The following MX1 variants were observed in gnomAD, a reference collection of about 807,000 sequenced individuals.
MX1 encodes MX dynamin like GTPase 1, also known as interferon-induced GTP-binding protein Mx1.
A neutral mutation model predicts 66.4 loss-of-function variants in MX1; 66 were observed. The ratio of observed to expected loss-of-function variants is 0.99; its 90% CI spans 0.82 to 1.22. The LOEUF is 1.22. MX1 is among the 50% of genes most tolerant of loss of function. The pLI, the probability that MX1 is intolerant of heterozygous loss-of-function variation, is 0.00. For synonymous variants in MX1, 311 were observed against 318.1 expected, an observed-to-expected ratio of 0.98 and a Z score of 0.24; for missense variants, 787 against 834.3, an observed-to-expected ratio of 0.94 and a Z score of 0.70.
At position 41,459,199 on chromosome 21, in the gene MX1, T is replaced by C. The variant is rs1169349115; in HGVS notation, c.*441T>C. ...CCTGTCTCCTCTCTCTGTAATAAACTCATTTCTAGCAGACACTGCTCTGCC... is the reference window on the plus strand; with the variant it reads ...CCTGTCTCCTCTCTCTGTAATAAACCCATTTCTAGCAGACACTGCTCTGCC... On this transcript the variant is annotated 3_prime_UTR_variant, in exon 17 of 17. Coordinates refer to ENST00000398598, the MANE Select transcript of MX1 (RefSeq NM_002462.5). 1.7e-5 allele frequency: 3 copies of C among 178,722 alleles called. No individual in the cohort carries two copies. The highest frequency in any genetic ancestry group is 7.1e-5 in the African/African-American group (3 of 42,232). 11.1% of individuals were successfully genotyped at this position (178,722 alleles called of 1,614,324 possible).
Position 41,458,781 on chromosome 21 carries a change from G to A in MX1, c.*23G>A. 3 of 1,602,542 alleles carry A rather than the reference G, an allele frequency of 1.9e-6. No homozygotes were observed. The highest frequency in any genetic ancestry group is 2.2e-5 in the South Asian group (2 of 90,672). On this transcript the variant is annotated 3_prime_UTR_variant, in exon 17 of 17. Coordinates refer to ENST00000398598, the MANE Select transcript of MX1 (RefSeq NM_002462.5). Reference sequence around the variant, plus strand: ...TAACCACACTCTGTCCAGCCCCGTAGACGTGCACGCACACTGTCTGCCCCC... The same window carrying A: ...TAACCACACTCTGTCCAGCCCCGTAAACGTGCACGCACACTGTCTGCCCCC...
At chr21:41,432,664 C>T (rs939035435) in intron 5 of MX1, among the ~76,000 whole-genome samples, 5 of 152,200 alleles carry the variant, frequency 3.3e-5, no homozygotes, top group Admixed American at 3.3e-4. Context: ...ACACTCTCAG[C>T]TGTGTGATTG....
chr21:41,437,208 T>C (rs2090389981), intron 7 of MX1, 56 bp downstream of exon 7: 1 of 1,597,078 alleles, frequency 6.3e-7, no homozygotes, highest in African/African-American at 1.3e-5. Flanking sequence ...ATGGGGTCTG[T>C]TTGTAACTGT....
chr21:41,422,870 A>G (rs1224937949), upstream of MX1: 1 of 152,180 alleles, frequency 6.6e-6, no homozygotes, highest in African/African-American at 2.4e-5. Context: ...CATGGAGAAC[A>G]TGGTGTGATA....
intron 5 of MX1, 29 bp from the exon 6 acceptor site, chr21:41,435,808 G>T: frequency 6.3e-7 from 1 of 1,591,696 alleles, no homozygotes; most frequent in South Asian, 1.1e-5. Context: ...TGCAGGCCAT[G>T]AAGAATTCTC....
intron 6 of MX1, among the ~76,000 whole-genome samples, chr21:41,436,788 G>A (rs2090374686): frequency 6.6e-6 from 1 of 152,216 alleles, no homozygotes; most frequent in Non-Finnish European, 1.5e-5. Flanking sequence ...TGGCTTTCAA[G>A]CGTTAGTAAG....
At chr21:41,428,862 A>G (rs1266728274) in intron 3 of MX1, 1 of 152,246 alleles carries the variant, frequency 6.6e-6, no homozygotes, top group East Asian at 1.9e-4. Flanking sequence ...ACAAGTCATT[A>G]TTATATATCA....
At position 41,458,719 on chromosome 21, in the gene MX1, G is replaced by A; in HGVS notation, c.1950G>A (p.Leu650=). 6.2e-7 allele frequency: 1 copy of A among 1,613,916 alleles called. No individual in the cohort carries two copies. The highest frequency in any genetic ancestry group is 1.3e-5 in the African/African-American group (1 of 75,084). The part of the protein sequence containing the change: ...RKFLKERLAR[L]TQARRRLAQF... ...TCCTGAAGGAGCGGCTTGCACGGCT[G>A]ACGCAGGCTCGGCGCCGGCTTGCCC... is the stretch of plus-strand genomic sequence containing the variant. Residue 650 remains leucine, a synonymous_variant, in exon 17 of 17, where the codon CTG becomes CTA. Transcript: ENST00000398598.
At chr21:41,421,380 C>T (rs1039680028), upstream of MX1, 3 of 152,238 alleles carry the variant, frequency 2.0e-5, no homozygotes, top group Admixed American at 2.0e-4. Context: ...AGAGGCATGC[C>T]TTCCTCTTAT....
chr21:41,423,823 G>A (rs907755255), upstream of MX1, among the ~76,000 whole-genome samples: 3 of 152,206 alleles, frequency 2.0e-5, no homozygotes, highest in Non-Finnish European at 2.9e-5. Flanking sequence ...GAAGGACTGC[G>A]GTGGACAAGG....
At position 41,435,890 on chromosome 21, in the gene MX1, C is replaced by T. The variant is rs753842718; in HGVS notation, c.159C>T (p.Ile53=). 2.3e-5 allele frequency: 37 copies of T among 1,614,068 alleles called. 1 individual carries two copies. The South Asian group carries it at 3.7e-4, about 16-fold the overall frequency. ...SQYEEKVRPC[I]DLIDSLRALG... ...ATGAGGAGAAGGTGCGCCCCTGCAT[C>T]GACCTCATTGACTCCCTGCGGGCTC... Residue 53 remains isoleucine (I), a synonymous_variant, in exon 6 of 17, where the codon ATC becomes ATT. Transcript: ENST00000398598.
rs1432661125 is a variant in MX1 at position 41,436,043 on chromosome 21, T to G, written c.298+14T>G. On this transcript the variant is annotated intron_variant, in intron 6 of 16. Transcript: ENST00000398598. ...CCAGAGGCAGCGGTAAGAACTTACA[T>G]TCTGTGTTAGTCTGCTCAGGCTGCC... 6.2e-7 allele frequency: 1 copy of G among 1,613,446 alleles called. No homozygotes were observed. Among genetic ancestry groups the G allele is most frequent in the Admixed American group, 1.7e-5 (1 of 60,016 alleles).
In MX1 at chr21:41,453,736, A is replaced by G. The variant is rs1208686279; in HGVS notation, c.1758+867A>G. Among the ~76,000 whole-genome samples the G allele has an allele frequency of 2.0e-5, 3 of 152,230 alleles. No homozygotes were observed. The East Asian group carries it at 5.8e-4, about 29-fold the overall frequency. On this transcript the variant is annotated intron_variant, in intron 16 of 16. Transcript: ENST00000398598. ...AGAGGCAGGAATTGTAGGTAAAATC[A>G]TAAATCAATACATGGGAGGTGTACT... is the stretch of plus-strand genomic sequence containing the variant.
chr21:41,437,474 T>TA (rs3216170), intron 7 of MX1, among the ~76,000 whole-genome samples: 3,028 of 148,788 alleles, frequency 0.02, 100 homozygotes, highest in African/African-American at 0.07. Context: ...CCCCGTCTCT[T>TA]AAAAAAAAAA....
At chr21:41,425,016 G>T (rs959781240), upstream of MX1, among the ~76,000 whole-genome samples, 1 of 152,250 alleles carries the variant, frequency 6.6e-6, no homozygotes, top group African/African-American at 2.4e-5. Flanking sequence ...TCCCGAGGCA[G>T]GTGATAAGCT....
At chr21:41,458,296 A>G (rs2091003255) in intron 16 of MX1, among the ~76,000 whole-genome samples, 1 of 152,192 alleles carries the variant, frequency 6.6e-6, no homozygotes, top group African/African-American at 2.4e-5. Context: ...AATGGTCAGG[A>G]AAAGCTGCTG....
intron 8 of MX1, among the ~76,000 whole-genome samples, chr21:41,440,440 C>G (rs2090474976): frequency 6.6e-6 from 1 of 152,218 alleles, no homozygotes; most frequent in African/African-American, 2.4e-5. Context: ...GATTGTGCCA[C>G]TGCACTCCAG....
chr21:41,437,816 C>T (rs1384696954), intron 7 of MX1, among the ~76,000 whole-genome samples: 5 of 152,182 alleles, frequency 3.3e-5, no homozygotes, highest in African/African-American at 1.2e-4. Flanking sequence ...ACAAGGAACT[C>T]CACATTGTGG....
chr21:41,448,837 C>T (rs963628496), intron 13 of MX1, among the ~76,000 whole-genome samples: 4 of 151,802 alleles, frequency 2.6e-5, no homozygotes, highest in Admixed American at 1.3e-4. Flanking sequence ...GGGTCTTACT[C>T]GAAGTTTCTG....
Sources: allele counts gnomAD v4.1 joint callset (sites outside exome capture counted in the v4.1 genomes callset), GRCh38; gene constraint gnomAD v4.1.1; transcripts MANE v1.5; gene names NCBI Gene and HGNC (gene_info 2026-07-23, HGNC 2026-07-21).